Variants in ARHGAP26 observed in about 807,000 individuals in gnomAD.
The protein encoded by ARHGAP26 is rho GTPase-activating protein 26.
In ARHGAP26, 38 loss-of-function variants were observed where a neutral mutation model predicts 104.8. That is an observed-to-expected ratio of 0.36 (90% CI 0.28 to 0.48). The LOEUF (loss-of-function observed/expected upper bound fraction) is 0.48, where lower values mean the gene tolerates loss of function less well. Ranked by LOEUF, ARHGAP26 falls within the 20% of genes least tolerant of loss-of-function variation. The pLI is 0.99. For missense variants in ARHGAP26, 704 were observed against 947.9 expected (o/e 0.74, Z 3.38); for synonymous variants, 341 against 340.0 (o/e 1.00, Z -0.03).
At position 143,134,086 on chromosome 5, in the gene ARHGAP26, C is replaced by G. The variant is rs774451783; in HGVS notation, c.1818C>G (p.Thr606=). ...AGAGGCCCCTGACGCTCTTCCACAC[C>G]GTTCAGTCAACAGAGAAACGTGAGT... is the stretch of plus-strand genomic sequence containing the variant. ...CSERPLTLFH[T]VQSTEKQEQR... The change falls in exon 19 of 23, where the codon ACC becomes ACG. Residue 606 remains threonine (T), a synonymous_variant. Coordinates refer to ENST00000645722, the MANE Select transcript of ARHGAP26 (RefSeq NM_001135608.3). 1 of 1,610,676 alleles carries G rather than the reference C, an allele frequency of 6.2e-7. No individual in the cohort carries two copies. Among genetic ancestry groups the G allele is most frequent in the African/African-American group, 1.3e-5 (1 of 74,978 alleles).
chr5:142,815,959 GT>G (rs35136715), intron 1 of ARHGAP26, among the ~76,000 whole-genome samples: 41,094 of 144,900 alleles, frequency 0.28, 7,528 homozygotes, highest in African/African-American at 0.52. Flanking sequence ...CATGCTTATT[GT>G]TTTTTTTTTT....
chr5:143,154,852 A>C (rs1264799621), intron 20 of ARHGAP26, among the ~76,000 whole-genome samples: 1 of 150,618 alleles, frequency 6.6e-6, no homozygotes, highest in Admixed American at 6.6e-5. Flanking sequence ...AATTCATAGC[A>C]TTTTTTTTTT....
chr5:143,028,276 G>C (rs1165919519), intron 12 of ARHGAP26, among the ~76,000 whole-genome samples: 4 of 152,114 alleles, frequency 2.6e-5, no homozygotes, highest in African/African-American at 9.7e-5. Flanking sequence ...CATTGCTGTT[G>C]TTACCACTTA....
At chr5:142,919,728 G>A (rs1216647184) in intron 10 of ARHGAP26, among the ~76,000 whole-genome samples, 2 of 152,106 alleles carry the variant, frequency 1.3e-5, no homozygotes, top group African/African-American at 4.8e-5. Flanking sequence ...CTAGCGTGAT[G>A]ACTCATGCCT....
chr5:142,849,802 C>G (rs1597898131), intron 1 of ARHGAP26, among the ~76,000 whole-genome samples: 3 of 152,180 alleles, frequency 2.0e-5, no homozygotes, highest in African/African-American at 7.2e-5. Context: ...GTCCTCTTTC[C>G]TCCAGTCTGC....
chr5:142,889,779 G>A (rs1007435749), intron 5 of ARHGAP26, among the ~76,000 whole-genome samples: 7 of 151,972 alleles, frequency 4.6e-5, no homozygotes, highest in Non-Finnish European at 7.4e-5. Context: ...TCTTCTTCAG[G>A]TTGTGAGTGT....
intron 17 of ARHGAP26, among the ~76,000 whole-genome samples, chr5:143,099,983 A>G (rs762653538): frequency 1.4e-4 from 21 of 152,244 alleles, no homozygotes; most frequent in Non-Finnish European, 2.5e-4. Context: ...TAACCAAAGT[A>G]GATGCAAGAC....
intron 20 of ARHGAP26, among the ~76,000 whole-genome samples, chr5:143,205,083 A>G (rs1808356810): frequency 6.6e-6 from 1 of 152,164 alleles, no homozygotes; most frequent in African/African-American, 2.4e-5. Context: ...GAGACTGCAC[A>G]GTAGAGAGGA....
chr5:142,923,467 A>G lies in ARHGAP26; in HGVS notation c.1029-8580A>G, dbSNP rs558009360. The stretch of plus-strand genomic sequence containing the variant: ...GCTATATTTTCATAGTTTGTTATCA[A>G]TAGTAGTAACAGGTATTTGCATTCT... On this transcript the variant is annotated intron_variant, in intron 10 of 22. Coordinates refer to ENST00000645722, the MANE Select transcript of ARHGAP26 (RefSeq NM_001135608.3). 2.0e-5 allele frequency among the ~76,000 whole-genome samples: 3 copies of G among 152,332 alleles called. No individual in the cohort carries two copies. The South Asian group carries it at 6.2e-4, about 32-fold the overall frequency.
At chr5:142,899,061 T>G (rs939155560) in intron 6 of ARHGAP26, among the ~76,000 whole-genome samples, 1 of 152,242 alleles carries the variant, frequency 6.6e-6, no homozygotes, top group African/African-American at 2.4e-5. Flanking sequence ...GGCTTATAGA[T>G]GCCTCCCTCC....
chr5:142,770,705 G>A lies in ARHGAP26; in HGVS notation c.-57G>A, dbSNP rs2276992. 30 of 1,100,634 alleles carry A rather than the reference G, an allele frequency of 2.7e-5. No individual in the cohort carries two copies. The highest frequency in any genetic ancestry group is 3.2e-5 in the Non-Finnish European group (29 of 899,170). The allele number at this position is 1,100,634 out of a possible 1,614,324, so 68.2% of individuals were successfully genotyped here. On this transcript the variant is annotated 5_prime_UTR_variant, in exon 1 of 23. Transcript: ENST00000645722. ...GTCCCGCCGCGTGAGTGCTCTGGGC[G>A]GCGGGCGGCCCGGGCCCCGGCGGAG... is the stretch of plus-strand genomic sequence containing the variant.
In ARHGAP26 at chr5:142,870,705, C is replaced by T. The variant is rs184819611; in HGVS notation, c.155-2695C>T. ...CACTGGATCCTCCCTGCCTAACCCA[C>T]GGGCTGACAGCCTCCGTCAGATGAG... On this transcript the variant is annotated intron_variant, in intron 1 of 22. Coordinates refer to ENST00000645722, the MANE Select transcript of ARHGAP26 (RefSeq NM_001135608.3). Among the ~76,000 whole-genome samples, 313 of 152,308 alleles carry T rather than the reference C, an allele frequency of 2.1e-3. No individual in the cohort carries two copies. In the South Asian group the frequency reaches 0.022, roughly 11 times the overall value.
chr5:143,030,783 C>T (rs915936807), intron 12 of ARHGAP26, among the ~76,000 whole-genome samples: 1 of 152,240 alleles, frequency 6.6e-6, no homozygotes, highest in Non-Finnish European at 1.5e-5. Flanking sequence ...TGCATGCACA[C>T]ACTTCCAATT....
At chr5:143,075,075 G>A (rs1003287439) in intron 17 of ARHGAP26, among the ~76,000 whole-genome samples, 1 of 152,194 alleles carries the variant, frequency 6.6e-6, no homozygotes, top group Admixed American at 6.5e-5. Flanking sequence ...GCAAAGGCTA[G>A]ATAGCCTAAA....
At chr5:143,094,116 C>T (rs560984959) in intron 17 of ARHGAP26, among the ~76,000 whole-genome samples, 1 of 152,346 alleles carries the variant, frequency 6.6e-6, no homozygotes, top group East Asian at 1.9e-4. Flanking sequence ...CCCGCCCCCG[C>T]GGCTTTCTTT....
At chr5:142,978,298 T>A (rs1193300021) in intron 11 of ARHGAP26, among the ~76,000 whole-genome samples, 1 of 152,116 alleles carries the variant, frequency 6.6e-6, no homozygotes, top group African/African-American at 2.4e-5. Flanking sequence ...CTTCTTCGAC[T>A]CTCTTTCTCT....
chr5:143,150,429 T>A (rs1469623037), intron 20 of ARHGAP26, among the ~76,000 whole-genome samples: 1 of 152,166 alleles, frequency 6.6e-6, no homozygotes, highest in East Asian at 1.9e-4. Flanking sequence ...GAATATGTGG[T>A]GAGTGCACAC....
At chr5:143,076,435 T>C (rs960527179) in intron 17 of ARHGAP26, among the ~76,000 whole-genome samples, 1 of 152,098 alleles carries the variant, frequency 6.6e-6, no homozygotes, top group African/African-American at 2.4e-5. Context: ...TAGAGCAAAA[T>C]GCACAAAAAA....
intron 20 of ARHGAP26, chr5:143,168,692 T>C (rs1802377966): frequency 6.6e-6 from 1 of 152,164 alleles, no homozygotes; most frequent in Non-Finnish European, 1.5e-5. Context: ...AAAGGCTGTT[T>C]GGTTGCCTTG....
Sources: gnomAD v4.1 joint callset for allele counts (sites outside exome capture counted in the v4.1 genomes callset) on GRCh38, gnomAD v4.1.1 for gene constraint, MANE v1.5 for transcripts, NCBI Gene and HGNC (gene_info 2026-07-23, HGNC 2026-07-21) for gene names.